Variants in SATB2 observed in about 807,000 individuals in gnomAD.
The protein encoded by SATB2 is DNA-binding protein SATB2.
In SATB2, 1 loss-of-function variant was observed where a neutral mutation model predicts 73.4. The ratio of observed to expected loss-of-function variants is 0.01; its 90% CI spans 0.00 to 0.06. SATB2 has a LOEUF of 0.06. SATB2 is among the 10% of genes least tolerant of loss of function. The pLI is 1.00. For missense variants in SATB2, 459 were observed against 945.8 expected, an observed-to-expected ratio of 0.49 and a Z score of 6.75; for synonymous variants, 397 against 367.0, an observed-to-expected ratio of 1.08 and a Z score of -0.93.
chr2:199,467,181 G>A (rs966970069), upstream of SATB2, among the ~76,000 whole-genome samples: 6 of 152,242 alleles, frequency 3.9e-5, no homozygotes, highest in Admixed American at 6.5e-5. Context: ...TAATACAGGC[G>A]TGAAGGGCGG....
At chr2:199,410,590 T>C (rs1012078269) in intron 3 of SATB2, among the ~76,000 whole-genome samples, 2 of 152,238 alleles carry the variant, frequency 1.3e-5, no homozygotes, top group Admixed American at 1.3e-4. Context: ...CAATCTCCAA[T>C]CTTGAGGTGA....
intron 6 of SATB2, among the ~76,000 whole-genome samples, chr2:199,357,115 C>G (rs1689009846): frequency 6.6e-6 from 1 of 152,174 alleles, no homozygotes; most frequent in South Asian, 2.1e-4. Flanking sequence ...ATGAACTGCC[C>G]AGTTTGGGGC....
chr2:199,370,978 A>G (rs1046128895), intron 5 of SATB2, among the ~76,000 whole-genome samples: 14 of 151,828 alleles, frequency 9.2e-5, no homozygotes, highest in African/African-American at 3.4e-4. Context: ...GTAGCAAACA[A>G]ATTTCCTAGA....
intron 2 of SATB2, among the ~76,000 whole-genome samples, chr2:199,440,724 C>A (rs1691790870): frequency 6.6e-6 from 1 of 152,078 alleles, no homozygotes; most frequent in Non-Finnish European, 1.5e-5. Context: ...TTGGCTTTTT[C>A]TTAACTCTTA....
intron 6 of SATB2, among the ~76,000 whole-genome samples, chr2:199,361,793 G>A (rs1689145694): frequency 7.9e-6 from 1 of 126,726 alleles, no homozygotes; most frequent in African/African-American, 3.1e-5. Context: ...GAGTCACTCT[G>A]TCACTCAAGA....
Position 199,454,755 on chromosome 2 carries a change from G to A in SATB2, c.169+1114C>T, listed in dbSNP as rs142655077. ...AGAAAAAAATACGATTTTATAAAACGTATGTGTTCAACTCTTTAAGGAGGA... is the reference window on the plus strand; with the variant it reads ...AGAAAAAAATACGATTTTATAAAACATATGTGTTCAACTCTTTAAGGAGGA... On this transcript the variant is annotated intron_variant, in intron 2 of 10. Transcript: ENST00000417098. Among the ~76,000 whole-genome samples, 28 of 152,226 alleles carry A rather than the reference G, an allele frequency of 1.8e-4. No individual in the cohort carries two copies. In the East Asian group the frequency reaches 5.4e-3, roughly 29 times the overall value.
intron 8 of SATB2, among the ~76,000 whole-genome samples, chr2:199,324,656 G>A (rs556735204): frequency 6.6e-6 from 1 of 152,258 alleles, no homozygotes; most frequent in Non-Finnish European, 1.5e-5. Context: ...ATCAGCTTCA[G>A]AGACAAATGA....
intron 6 of SATB2, among the ~76,000 whole-genome samples, chr2:199,368,238 T>A (rs1689344941): frequency 6.6e-6 from 1 of 152,058 alleles, no homozygotes; most frequent in East Asian, 1.9e-4. Context: ...AACATCAAAC[T>A]CCATTTCTGA....
chr2:199,434,229 T>C (rs948633588), intron 2 of SATB2, among the ~76,000 whole-genome samples: 1 of 152,190 alleles, frequency 6.6e-6, no homozygotes, highest in Non-Finnish European at 1.5e-5. Context: ...AAAGTTTGCC[T>C]ATGTAAAATT....
At chr2:199,310,916 G>C (rs1436867229) in intron 9 of SATB2, among the ~76,000 whole-genome samples, 1 of 152,278 alleles carries the variant, frequency 6.6e-6, no homozygotes, top group East Asian at 1.9e-4. Context: ...GGAATGTCTC[G>C]CACAACATTC....
At chr2:199,301,973 C>CA (rs1301111524) in intron 10 of SATB2, among the ~76,000 whole-genome samples, 1 of 152,070 alleles carries the variant, frequency 6.6e-6, no homozygotes, top group Non-Finnish European at 1.5e-5. Context: ...TAACCATACT[C>CA]AAGAGTCCTA....
intron 3 of SATB2, among the ~76,000 whole-genome samples, chr2:199,389,555 A>G (rs1255326355): frequency 6.6e-6 from 1 of 152,198 alleles, no homozygotes; most frequent in African/African-American, 2.4e-5. Context: ...TAAACACTGA[A>G]CATATACTGT....
chr2:199,280,173 T>C (rs1489119574), intron 10 of SATB2, among the ~76,000 whole-genome samples: 1 of 152,228 alleles, frequency 6.6e-6, no homozygotes, highest in Non-Finnish European at 1.5e-5. Context: ...CGATCTTTAC[T>C]GCAATCTCTG....
intron 3 of SATB2, among the ~76,000 whole-genome samples, chr2:199,426,454 A>C (rs1691331159): frequency 6.6e-6 from 1 of 151,780 alleles, no homozygotes; most frequent in Admixed American, 6.6e-5. Flanking sequence ...GTGCCTGGCT[A>C]ATTTTTGTAT....
chr2:199,407,511 T>C lies in SATB2; in HGVS notation c.347-25691A>G, dbSNP rs140392943. On this transcript the variant is annotated intron_variant, in intron 3 of 10. Transcript: ENST00000417098. ...AGGTTACAGCCCAGGAGATCTAAGA[T>C]AAGTGAAACCTCTAACTTTGACAAA... Among the ~76,000 whole-genome samples the C allele has an allele frequency of 1.5e-3, 229 of 152,200 alleles. 3 individuals carry two copies. In the East Asian group the frequency reaches 0.04, roughly 27 times the overall value.
intron 8 of SATB2, among the ~76,000 whole-genome samples, chr2:199,324,480 C>T (rs548881398): frequency 6.6e-6 from 1 of 152,180 alleles, no homozygotes; most frequent in Admixed American, 6.5e-5. Context: ...CATTATGCTA[C>T]CCAGACAGTC....
intron 3 of SATB2, among the ~76,000 whole-genome samples, chr2:199,409,164 TTTC>T (rs1690730412): frequency 2.9e-5 from 4 of 139,764 alleles, no homozygotes; most frequent in Admixed American, 2.3e-4. Context: ...TCTTTTTTCT[TTTC>T]TTTTTTTTTT....
intron 9 of SATB2, among the ~76,000 whole-genome samples, chr2:199,321,492 G>GTA (rs1458983404): frequency 6.7e-6 from 1 of 149,656 alleles, no homozygotes; most frequent in Admixed American, 6.7e-5. Flanking sequence ...ATGTATATAT[G>GTA]TGTATATACA....
At chr2:199,279,231 A>C (rs912639738) in intron 10 of SATB2, among the ~76,000 whole-genome samples, 3 of 152,230 alleles carry the variant, frequency 2.0e-5, no homozygotes, top group Non-Finnish European at 4.4e-5. Flanking sequence ...GCACAATTAT[A>C]ATATGGACAC....
Sources: allele counts gnomAD v4.1 joint callset (sites outside exome capture counted in the v4.1 genomes callset), GRCh38; gene constraint gnomAD v4.1.1; transcripts MANE v1.5; gene names NCBI Gene and HGNC (gene_info 2026-07-23, HGNC 2026-07-21).